FRMD3: variants seen among roughly 807,000 people sequenced by gnomAD.
FRMD3 encodes FERM domain containing 3, also known as FERM domain-containing protein 3.
In FRMD3, 33 loss-of-function variants were observed where a neutral mutation model predicts 70.2. That is an observed-to-expected ratio of 0.47 (90% confidence interval 0.36 to 0.63). The LOEUF (loss-of-function observed/expected upper bound fraction) is 0.63, where lower values mean the gene tolerates loss of function less well. Ranked by LOEUF, FRMD3 falls within the 20% of genes least tolerant of loss-of-function variation. The probability of loss-of-function intolerance (pLI) is 0.00; values close to 1 mark genes in which losing one functional copy is unlikely to be tolerated. For synonymous variants in FRMD3, 279 were observed against 255.9 expected (o/e 1.09, Z -0.86); for missense variants, 632 against 711.4 (o/e 0.89, Z 1.27).
At chr9:83,548,896 T>A in the FRMD3 span, among the ~76,000 whole-genome samples, 6 of 152,164 alleles carry the variant, frequency 3.9e-5, no homozygotes, top group African/African-American at 1.4e-4. Flanking sequence ...TAAAAAATAG[T>A]CTATTGTCTG....
intron 10 of FRMD3, among the ~76,000 whole-genome samples, chr9:83,304,111 T>C (rs1194654251): frequency 6.6e-6 from 1 of 152,222 alleles, no homozygotes; most frequent in Non-Finnish European, 1.5e-5. Flanking sequence ...TGTATGGATA[T>C]ACCGCATTTT....
intron 2 of FRMD3, among the ~76,000 whole-genome samples, chr9:83,387,164 C>T (rs1825535677): frequency 6.6e-6 from 1 of 152,090 alleles, no homozygotes; most frequent in African/African-American, 2.4e-5. Flanking sequence ...TTAGCTCTTG[C>T]CTGCAATAAT....
chr9:83,280,273 A>C (rs1478003012), intron 13 of FRMD3, among the ~76,000 whole-genome samples: 1 of 152,222 alleles, frequency 6.6e-6, no homozygotes, highest in Non-Finnish European at 1.5e-5. Context: ...TTCTCTGTCC[A>C]ATGCTCTTCC....
chr9:83,257,839 G>C (rs903038926), intron 13 of FRMD3, among the ~76,000 whole-genome samples: 2 of 151,970 alleles, frequency 1.3e-5, no homozygotes, highest in African/African-American at 4.8e-5. Context: ...TTTAGAAAAA[G>C]GAAATTGCTT....
intron 13 of FRMD3, among the ~76,000 whole-genome samples, chr9:83,290,262 A>T (rs1834367062): frequency 6.6e-6 from 1 of 152,198 alleles, no homozygotes; most frequent in South Asian, 2.1e-4. Context: ...TGACTGAGGA[A>T]ATGGATTTTT....
rs192384898 is a variant in FRMD3 at position 83,416,230 on chromosome 9, C to T, written c.148-26522G>A. Among the ~76,000 whole-genome samples the T allele has an allele frequency of 1.5e-3, 221 of 152,294 alleles. 1 individual carries two copies. Among genetic ancestry groups the T allele is most frequent in the African/African-American group, 5.0e-3 (208 of 41,554 alleles). Reference sequence around the variant, plus strand: ...CCACGGTTTCCATTAGTGCAGGATCCAAGATGTTGTCTACATTGATTTTCT... The same window carrying T: ...CCACGGTTTCCATTAGTGCAGGATCTAAGATGTTGTCTACATTGATTTTCT... On this transcript the variant is annotated intron_variant, in intron 1 of 13. Coordinates refer to ENST00000304195, the MANE Select transcript of FRMD3 (RefSeq NM_174938.6).
At chr9:83,483,643 G>A (rs1828620116) in intron 1 of FRMD3, among the ~76,000 whole-genome samples, 1 of 152,160 alleles carries the variant, frequency 6.6e-6, no homozygotes. Context: ...GTTATCGCTT[G>A]AGACCAGGAG....
At chr9:83,321,959 T>TAC (rs1835819090) in intron 6 of FRMD3, among the ~76,000 whole-genome samples, 1 of 152,172 alleles carries the variant, frequency 6.6e-6, no homozygotes, top group South Asian at 2.1e-4. Flanking sequence ...GTGGGTATTG[T>TAC]CCTGGGTATG....
chr9:83,489,015 T>TGTGTGTGTGTGTGTGC (rs539396863), intron 1 of FRMD3, among the ~76,000 whole-genome samples: 43 of 131,698 alleles, frequency 3.3e-4, no homozygotes, highest in African/African-American at 4.6e-4. Context: ...TGTGTGTGTG[T>TGTGTGTGTGTGTGTGC]GCTTGTGTGT....
chr9:83,464,698 C>T (rs7872891), intron 1 of FRMD3, among the ~76,000 whole-genome samples: 58,120 of 151,954 alleles, frequency 0.38, 11,638 homozygotes, highest in Middle Eastern at 0.49. Flanking sequence ...GTCTCTCCCA[C>T]TTGGACATTT....
chr9:83,445,572 C>G (rs1827437727), intron 1 of FRMD3, among the ~76,000 whole-genome samples: 1 of 152,156 alleles, frequency 6.6e-6, no homozygotes, highest in Non-Finnish European at 1.5e-5. Context: ...AGGAGTAAAG[C>G]AAATATACTT....
intron 1 of FRMD3, among the ~76,000 whole-genome samples, chr9:83,407,884 C>CATCTT (rs1826167749): frequency 7.5e-6 from 1 of 133,214 alleles, no homozygotes; most frequent in African/African-American, 3.6e-5. Context: ...ATCTTTCTCT[C>CATCTT]TCTCTCTCTC....
At chr9:83,261,414 C>G (rs555347261) in intron 13 of FRMD3, among the ~76,000 whole-genome samples, 1 of 152,256 alleles carries the variant, frequency 6.6e-6, no homozygotes, top group Admixed American at 6.5e-5. Flanking sequence ...ATGGCTCTCA[C>G]AAAGTCTCCA....
chr9:83,419,848 G>A (rs1826580699), intron 1 of FRMD3, among the ~76,000 whole-genome samples: 1 of 152,106 alleles, frequency 6.6e-6, no homozygotes, highest in African/African-American at 2.4e-5. Flanking sequence ...TGTTATTATT[G>A]TCATTATTAT....
At chr9:83,554,335 A>G in the FRMD3 span, among the ~76,000 whole-genome samples, 1 of 152,164 alleles carries the variant, frequency 6.6e-6, no homozygotes, top group Non-Finnish European at 1.5e-5. Flanking sequence ...TCGGCTGCTC[A>G]CTGCAGCTCT....
chr9:83,490,149 CAG>C (rs1486129411), intron 1 of FRMD3, among the ~76,000 whole-genome samples: 2 of 152,116 alleles, frequency 1.3e-5, no homozygotes, highest in Non-Finnish European at 2.9e-5. Context: ...ATCTCAGAAA[CAG>C]AACTACAAAT....
intron 13 of FRMD3, among the ~76,000 whole-genome samples, chr9:83,276,988 G>A (rs950760520): frequency 1.3e-5 from 2 of 152,060 alleles, no homozygotes; most frequent in African/African-American, 2.4e-5. Flanking sequence ...GTGAGCCACC[G>A]CACCCAGCCA....
chr9:83,531,118 C>T (rs1429581143), intron 1 of FRMD3, among the ~76,000 whole-genome samples: 2 of 152,126 alleles, frequency 1.3e-5, no homozygotes, highest in Non-Finnish European at 2.9e-5. Flanking sequence ...ACTGGCACTA[C>T]TATAACTATT....
At chr9:83,420,937 C>CTTTTT (rs897070718) in intron 1 of FRMD3, among the ~76,000 whole-genome samples, 113 of 107,704 alleles carry the variant, frequency 1.0e-3, no homozygotes, top group African/African-American at 1.4e-3. Flanking sequence ...TTTCTTTCTT[C>CTTTTT]TTTTTTTTTT....
Sources: allele counts gnomAD v4.1 joint callset (sites outside exome capture counted in the v4.1 genomes callset), GRCh38; gene constraint gnomAD v4.1.1; transcripts MANE v1.5; gene names NCBI Gene and HGNC (gene_info 2026-07-23, HGNC 2026-07-21).